The following EDRF1 variants were observed in gnomAD, a reference collection of about 807,000 sequenced individuals.
EDRF1 encodes erythroid differentiation-related factor 1.
Under a neutral mutation model 148.7 loss-of-function variants are expected in EDRF1, and 69 were observed. That is an observed-to-expected ratio of 0.46 (90% CI 0.38 to 0.57). The LOEUF is 0.57. EDRF1 is among the 20% of genes least tolerant of loss of function. EDRF1 has a pLI of 0.00. For synonymous variants in EDRF1, 515 were observed against 532.8 expected, an observed-to-expected ratio of 0.97 and a Z score of 0.46; for missense variants, 1,118 against 1,478.7, an observed-to-expected ratio of 0.76 and a Z score of 4.00.
chr10:125,754,319 A>G (rs1032463972), intron 24 of EDRF1, among the ~76,000 whole-genome samples: 2 of 152,228 alleles, frequency 1.3e-5, no homozygotes, highest in African/African-American at 4.8e-5. Context: ...GACTTGTTAA[A>G]CTAGGTAAGA....
At chr10:125,721,152 A>T (rs1440407280) in intron 1 of EDRF1, 52 bp from the exon 2 acceptor site, 2 of 1,575,320 alleles carry the variant, frequency 1.3e-6, no homozygotes, top group East Asian at 4.5e-5. Flanking sequence ...TAAAGGTGAG[A>T]TTTTTCGTTC....
At position 125,747,595 on chromosome 10, in the gene EDRF1, T is replaced by G; in HGVS notation, c.2874T>G (p.Ala958=). The G allele has an allele frequency of 5.0e-6, 8 of 1,614,204 alleles. No individual in the cohort carries two copies. The highest frequency in any genetic ancestry group is 6.8e-6 in the Non-Finnish European group (8 of 1,180,024). ...TGGGAACACGAGACATACACCCAGCTGTTTGGGATTCAGTGAACTGGGAAT... is the reference window on the plus strand; with the variant it reads ...TGGGAACACGAGACATACACCCAGCGGTTTGGGATTCAGTGAACTGGGAAT... The part of the protein sequence containing the change: ...RSLGTRDIHP[A]VWDSVNWELS... Residue 958 remains alanine (A), a synonymous_variant, in exon 20 of 25, where the codon GCT becomes GCG. Coordinates refer to ENST00000356792, the MANE Select transcript of EDRF1 (RefSeq NM_001202438.2).
At chr10:125,751,409 T>TC (rs1332721750) in intron 22 of EDRF1, among the ~76,000 whole-genome samples, 1 of 151,090 alleles carries the variant, frequency 6.6e-6, no homozygotes, top group East Asian at 1.9e-4. Flanking sequence ...CCAGTGTTTT[T>TC]TTTTTTGTTT....
rs956079855 is a variant in EDRF1, at chr10:125,763,536, C to A, written c.*64C>A. On this transcript the variant is annotated 3_prime_UTR_variant, in exon 25 of 25. Transcript: ENST00000356792. This position sits in a 1 kb window ranked among gnomAD's most constrained non-coding sequence, Gnocchi z 4.3. ...TCAACACGGAGCCGGTTTGTTCATT[C>A]GGTGCTTTGTTTCATTAAATAATAG... 3.3e-6 allele frequency: 5 copies of A among 1,518,412 alleles called. No individual in the cohort carries two copies. In the Admixed American group the frequency reaches 5.5e-5, roughly 17 times the overall value. The allele number at this position is 1,518,412 out of a possible 1,614,324, so 94.1% of individuals were successfully genotyped here.
At chr10:125,724,204 A>G (rs1848147303) in intron 4 of EDRF1, among the ~76,000 whole-genome samples, 1 of 152,222 alleles carries the variant, frequency 6.6e-6, no homozygotes, top group Admixed American at 6.5e-5. Flanking sequence ...TGTGAAAAAA[A>G]CTGTGAAATT....
At chr10:125,748,365 G>A (rs1241825820) in intron 21 of EDRF1, 1 of 333,176 alleles carries the variant, frequency 3.0e-6, no homozygotes, top group African/African-American at 2.1e-5. Context: ...TCTAGTCTAT[G>A]ATTAGTGAAT....
At chr10:125,759,517 A>C (rs1306867595) in intron 24 of EDRF1, among the ~76,000 whole-genome samples, 1 of 151,966 alleles carries the variant, frequency 6.6e-6, no homozygotes. Flanking sequence ...GATCCCAGCT[A>C]TTTGGGAGAC....
rs763886048 is a variant in EDRF1 at position 125,725,721 on chromosome 10, C to T, written c.675C>T (p.Thr225=). The change falls in exon 6 of 25, where the codon ACC becomes ACT. Residue 225 remains threonine, a synonymous_variant. Transcript: ENST00000356792. ...GAGCCGCTCAGCCTGTCTCATCCAC[C>T]GCAGAACAGCAGGAATCGTCCAGTT... The part of the protein sequence containing the change: ...GDGAAQPVSS[T]AEQQESSSSD... 23 of 1,613,868 alleles carry T rather than the reference C, an allele frequency of 1.4e-5. No homozygotes were observed. The highest frequency in any genetic ancestry group is 9.3e-5 in the African/African-American group (7 of 74,876).
In EDRF1 at chr10:125,740,982, T is replaced by A. The variant is rs771952663; in HGVS notation, c.2171-19T>A. On this transcript the variant is annotated intron_variant, in intron 16 of 24. Transcript: ENST00000356792. ...TTTCTGCATTTGTGTTTTTTCTTCT[T>A]CCCTCCCTTTCTAAACAGATACTTA... 6.2e-7 allele frequency: 1 copy of A among 1,612,578 alleles called. No homozygotes were observed. The highest frequency in any genetic ancestry group is 8.5e-7 in the Non-Finnish European group (1 of 1,179,074).
chr10:125,742,135 G>T, intron 17 of EDRF1: 1 of 965,674 alleles, frequency 1.0e-6, no homozygotes. Flanking sequence ...GATTCCTTGG[G>T]GCTGAAATAA....
intron 17 of EDRF1, chr10:125,742,170 T>C: frequency 1.6e-6 from 2 of 1,221,514 alleles, no homozygotes; most frequent in Non-Finnish European, 2.2e-6. Flanking sequence ...TTAAAGTTAG[T>C]TCATAGCCAC....
rs558456156 is a variant in EDRF1 at position 125,754,024 on chromosome 10, C to T, written c.3545+179C>T. Among the ~76,000 whole-genome samples the T allele has an allele frequency of 7.9e-5, 12 of 151,962 alleles. 1 individual carries two copies. Among genetic ancestry groups the T allele is most frequent in the Admixed American group, 3.9e-4 (6 of 15,262 alleles). On this transcript the variant is annotated intron_variant, in intron 24 of 24. Transcript: ENST00000356792. ...TGAGTTCAGGAGTTCGAGACCAGCC[C>T]GGCCAACATGGTGAAACCCCATCTC...
At chr10:125,734,504 T>A (rs553595600) in intron 12 of EDRF1, among the ~76,000 whole-genome samples, 22 of 152,278 alleles carry the variant, frequency 1.4e-4, no homozygotes, top group Admixed American at 7.8e-4. Flanking sequence ...CTAGAAAATT[T>A]AAAATTTCTG....
intron 13 of EDRF1, among the ~76,000 whole-genome samples, chr10:125,736,532 T>A (rs1848743801): frequency 6.6e-6 from 1 of 152,168 alleles, no homozygotes; most frequent in African/African-American, 2.4e-5. Flanking sequence ...GGCTGTTCCC[T>A]GAACTGAAAT....
At chr10:125,729,809 A>G (rs1220184790) in intron 8 of EDRF1, among the ~76,000 whole-genome samples, 1 of 152,208 alleles carries the variant, frequency 6.6e-6, no homozygotes, top group African/African-American at 2.4e-5. Context: ...GGTTTGTTGG[A>G]CTGGCCTAGT....
chr10:125,753,169 C>CT (rs561305063), intron 23 of EDRF1, among the ~76,000 whole-genome samples: 79 of 152,226 alleles, frequency 5.2e-4, no homozygotes, highest in Non-Finnish European at 9.4e-4. Context: ...TATAAAGTCT[C>CT]TTAAGTTTTT....
chr10:125,719,929 G>C lies in EDRF1; in HGVS notation c.108+14G>C, dbSNP rs1425385823. On this transcript the variant is annotated intron_variant, in intron 1 of 24. Transcript: ENST00000356792. ...TCTTCTGCACAGGTGAGTCCTCCGCGGAGGGGGACCTGCCAGGGATGTGGG... is the reference window on the plus strand; with the variant it reads ...TCTTCTGCACAGGTGAGTCCTCCGCCGAGGGGGACCTGCCAGGGATGTGGG... 11 of 1,607,318 alleles carry C rather than the reference G, an allele frequency of 6.8e-6. No individual in the cohort carries two copies. The highest frequency in any genetic ancestry group is 9.4e-6 in the Non-Finnish European group (11 of 1,175,498).
intron 15 of EDRF1, among the ~76,000 whole-genome samples, chr10:125,739,615 TAC>T (rs1197532015): frequency 6.6e-6 from 1 of 152,194 alleles, no homozygotes; most frequent in Admixed American, 6.6e-5. Flanking sequence ...AAAAAATCCA[TAC>T]ACACATTAAA....
intron 22 of EDRF1, among the ~76,000 whole-genome samples, chr10:125,751,190 C>T (rs1327860791): frequency 2.0e-5 from 3 of 152,136 alleles, no homozygotes; most frequent in African/African-American, 7.2e-5. Flanking sequence ...ACTCCTGCCT[C>T]GGCCTCCCAA....
Sources: allele counts gnomAD v4.1 joint callset (sites outside exome capture counted in the v4.1 genomes callset), GRCh38; gene constraint gnomAD v4.1.1; non-coding constraint Gnocchi (gnomAD v3.1); transcripts MANE v1.5; gene names NCBI Gene and HGNC (gene_info 2026-07-23, HGNC 2026-07-21).